MYO3A: variants seen among roughly 807,000 people sequenced by gnomAD.
MYO3A encodes myosin IIIA, also known as myosin-IIIa.
In MYO3A, 180 loss-of-function variants were observed where a neutral mutation model predicts 192.7. That is an observed-to-expected ratio of 0.93 (90% CI 0.83 to 1.06). The LOEUF (loss-of-function observed/expected upper bound fraction) is 1.06. Ranked by LOEUF, MYO3A falls within the 50% of genes least tolerant of loss-of-function variation. The pLI is 0.00. For synonymous variants in MYO3A, 628 were observed against 645.3 expected (o/e 0.97, Z 0.41); for missense variants, 1,896 against 1,905.0 (o/e 1.00, Z 0.09).
chr10:25,950,217 C>T (rs933662065), intron 2 of MYO3A, among the ~76,000 whole-genome samples: 1 of 152,074 alleles, frequency 6.6e-6, no homozygotes, highest in East Asian at 1.9e-4. Context: ...GCAGTTACCC[C>T]GGCTAGCAAT....
intron 10 of MYO3A, among the ~76,000 whole-genome samples, chr10:26,059,137 G>A (rs879735775): frequency 1.3e-5 from 2 of 152,094 alleles, no homozygotes; most frequent in Non-Finnish European, 2.9e-5. Flanking sequence ...TGAGAACAAA[G>A]ATAGTTTTAT....
intron 5 of MYO3A, 112 bp downstream of exon 5, chr10:25,996,706 T>C: frequency 1.2e-6 from 1 of 859,424 alleles, no homozygotes; most frequent in Non-Finnish European, 1.9e-6. Flanking sequence ...TATTTATTGA[T>C]GGAAGAATAT....
intron 4 of MYO3A, among the ~76,000 whole-genome samples, chr10:25,957,833 C>G (rs115694482): frequency 0.064 from 9,731 of 152,240 alleles, 407 homozygotes; most frequent in Non-Finnish European, 0.094. Flanking sequence ...TTTCATATCT[C>G]TAATGATCAG....
chr10:26,178,788 A>T (rs1193713021), intron 31 of MYO3A, among the ~76,000 whole-genome samples: 1 of 151,666 alleles, frequency 6.6e-6, no homozygotes, highest in Non-Finnish European at 1.5e-5. Flanking sequence ...TCTGCTTTAA[A>T]TGTTTATTTA....
chr10:26,136,837 T>A (rs951511924), intron 20 of MYO3A, among the ~76,000 whole-genome samples: 3 of 152,102 alleles, frequency 2.0e-5, no homozygotes, highest in African/African-American at 7.2e-5. Flanking sequence ...CTGGCCAACA[T>A]GGTGAAACTC....
At chr10:26,174,779 T>C (rs868271964) in intron 30 of MYO3A, among the ~76,000 whole-genome samples, 9 of 152,276 alleles carry the variant, frequency 5.9e-5, no homozygotes, top group South Asian at 2.1e-4. Context: ...AGAAACCTCA[T>C]GTAGTCGTGA....
intron 4 of MYO3A, among the ~76,000 whole-genome samples, chr10:25,967,905 T>G (rs1838360868): frequency 6.6e-6 from 1 of 152,122 alleles, no homozygotes; most frequent in Admixed American, 6.6e-5. Flanking sequence ...TGAAGCATAG[T>G]TATCAAAATA....
chr10:26,041,029 C>G (rs1843317200), intron 10 of MYO3A, among the ~76,000 whole-genome samples: 1 of 151,998 alleles, frequency 6.6e-6, no homozygotes, highest in Non-Finnish European at 1.5e-5. Flanking sequence ...GGGTTTATCT[C>G]TCTATTTAGC....
chr10:26,143,348 A>T, intron 20 of MYO3A, 100 bp from the exon 21 acceptor site: 1 of 1,272,062 alleles, frequency 7.9e-7, no homozygotes, highest in Non-Finnish European at 1.1e-6. Context: ...GCAAGGTCAA[A>T]GGGAGCAATT....
chr10:25,970,716 T>G, intron 4 of MYO3A, among the ~76,000 whole-genome samples: 1 of 152,064 alleles, frequency 6.6e-6, no homozygotes, highest in South Asian at 2.1e-4. Flanking sequence ...AAATACATAT[T>G]ATTTATATTA....
chr10:26,081,584 C>T (rs747237602), intron 14 of MYO3A, among the ~76,000 whole-genome samples: 6 of 152,148 alleles, frequency 3.9e-5, no homozygotes, highest in Non-Finnish European at 5.9e-5. Context: ...CCAGACTTCT[C>T]GCCCCATTCA....
chr10:25,980,107 G>A (rs1281449911), intron 4 of MYO3A, among the ~76,000 whole-genome samples: 1 of 151,994 alleles, frequency 6.6e-6, no homozygotes, highest in Non-Finnish European at 1.5e-5. Flanking sequence ...CGTGGTGGCA[G>A]GCGCCTGTAG....
chr10:26,075,787 ATG>A (rs1835528941), intron 14 of MYO3A, among the ~76,000 whole-genome samples: 1 of 147,170 alleles, frequency 6.8e-6, no homozygotes, highest in Admixed American at 6.9e-5. Flanking sequence ...TATGATATAT[ATG>A]TCTCTCTCAT....
chr10:26,075,560 A>C, intron 14 of MYO3A, among the ~76,000 whole-genome samples: 1 of 144,258 alleles, frequency 6.9e-6, no homozygotes. Context: ...CTTCACTTAC[A>C]GTAATAGTCT....
chr10:26,129,475 G>A (rs899229768), intron 20 of MYO3A, among the ~76,000 whole-genome samples: 1 of 152,000 alleles, frequency 6.6e-6, no homozygotes, highest in Admixed American at 6.6e-5. Context: ...CTAGATATGC[G>A]AAGAAATATC....
rs1843249864 is a variant in MYO3A at position 26,193,399 on chromosome 10, A to G, written c.4545+88A>G. ...ACTGTGGCTAGATTAGTTCAGGCAC[A>G]AAGGAAGGCCTGGCAGGACAGAGAT... is the stretch of plus-strand genomic sequence containing the variant. On this transcript the variant is annotated intron_variant, in intron 32 of 34. Coordinates refer to ENST00000642920, the MANE Select transcript of MYO3A (RefSeq NM_017433.5). The G allele has an allele frequency of 7.4e-6, 8 of 1,084,628 alleles. No individual in the cohort carries two copies. In the Admixed American group the frequency reaches 7.6e-5, roughly 10 times the overall value. 67.2% of individuals were successfully genotyped at this position (1,084,628 alleles called of 1,614,324 possible). A position where few individuals can be genotyped will look rare whatever the true frequency, so the allele number is the denominator to read the frequency against.
At chr10:26,059,436 A>G (rs2131331115) in intron 10 of MYO3A, among the ~76,000 whole-genome samples, 1 of 152,318 alleles carries the variant, frequency 6.6e-6, no homozygotes, top group East Asian at 1.9e-4. Context: ...ATCTATTGAT[A>G]TGATCATGTC....
intron 20 of MYO3A, among the ~76,000 whole-genome samples, chr10:26,138,576 TG>T (rs1839980825): frequency 1.3e-5 from 2 of 152,234 alleles, no homozygotes; most frequent in Non-Finnish European, 2.9e-5. Flanking sequence ...TTTCCAAGCT[TG>T]GGGCTTACAT....
chr10:26,209,425 G>T (rs532311607), intron 34 of MYO3A, among the ~76,000 whole-genome samples: 1 of 152,092 alleles, frequency 6.6e-6, no homozygotes, highest in African/African-American at 2.4e-5. Context: ...CTGCTCTTCA[G>T]TATAGTAAAT....
Sources: gnomAD v4.1 joint callset for allele counts (sites outside exome capture counted in the v4.1 genomes callset) on GRCh38, gnomAD v4.1.1 for gene constraint, MANE v1.5 for transcripts, NCBI Gene and HGNC (gene_info 2026-07-23, HGNC 2026-07-21) for gene names.